Variants in CHSY1 observed in about 807,000 individuals in gnomAD.
CHSY1 encodes N-acetylgalactosaminyl-proteoglycan 3-beta-glucuronosyltransferase 1.
Under a neutral mutation model 59.8 loss-of-function variants are expected in CHSY1, and 13 were observed. That is an observed-to-expected ratio of 0.22 (90% CI 0.14 to 0.35). The LOEUF (loss-of-function observed/expected upper bound fraction) is 0.35, where lower values mean the gene tolerates loss of function less well. CHSY1 is among the 10% of genes least tolerant of loss of function. The pLI, the probability that CHSY1 is intolerant of heterozygous loss-of-function variation, is 1.00. For missense variants in CHSY1, 947 were observed against 1,030.6 expected (o/e 0.92, Z 1.11); for synonymous variants, 459 against 401.2 (o/e 1.14, Z -1.72).
chr15:101,247,018 G>C (rs550782072), intron 1 of CHSY1, among the ~76,000 whole-genome samples: 1 of 152,306 alleles, frequency 6.6e-6, no homozygotes, highest in African/African-American at 2.4e-5. Flanking sequence ...AAATTACCTA[G>C]AACACACACT....
chr15:101,235,103 C>G lies in CHSY1; in HGVS notation c.795G>C (p.Val265=). ...TTACCTCATAAGACCAGACACACTG[C>G]ACCCCTGCAAACCTCCGGACACACC... The part of the protein sequence containing the change: ...VGRCVRRFAG[V]QCVWSYEMQQ... Residue 265 remains valine, a synonymous_variant, in exon 2 of 3, where the codon GTG becomes GTC. Coordinates refer to ENST00000254190, the MANE Select transcript of CHSY1 (RefSeq NM_014918.5). 1 of 1,614,006 alleles carries G rather than the reference C, an allele frequency of 6.2e-7. No homozygotes were observed. The highest frequency in any genetic ancestry group is 1.3e-5 in the African/African-American group (1 of 75,016).
At chr15:101,209,614 G>A (rs2038663919) in intron 2 of CHSY1, among the ~76,000 whole-genome samples, 1 of 152,130 alleles carries the variant, frequency 6.6e-6, no homozygotes, top group South Asian at 2.1e-4. Flanking sequence ...CAAATAGCAG[G>A]ATCAGTTGCT....
chr15:101,185,863 G>A (rs1026901577), intron 2 of CHSY1, among the ~76,000 whole-genome samples: 3 of 151,854 alleles, frequency 2.0e-5, no homozygotes, highest in Non-Finnish European at 4.4e-5. Context: ...GCACATCAAG[G>A]AGAAATGCTG....
intron 1 of CHSY1, among the ~76,000 whole-genome samples, chr15:101,239,714 T>TACGTTTCTGACTA (rs113892335): frequency 6.6e-6 from 1 of 151,882 alleles, no homozygotes; most frequent in Non-Finnish European, 1.5e-5. Context: ...AAATGCTTCT[T>TACGTTTCTGACTA]AAAACCTGAG....
At chr15:101,194,268 A>C (rs2038481226) in intron 2 of CHSY1, among the ~76,000 whole-genome samples, 1 of 152,130 alleles carries the variant, frequency 6.6e-6, no homozygotes, top group South Asian at 2.1e-4. Context: ...AGAAAAGAAA[A>C]ATTTCATTGG....
chr15:101,186,587 T>G (rs1387528032), intron 2 of CHSY1: 1 of 152,116 alleles, frequency 6.6e-6, no homozygotes, highest in Non-Finnish European at 1.5e-5. Context: ...GAGGACTGCT[T>G]GAGCCCAGGG....
chr15:101,234,360 T>A (rs763543495), intron 2 of CHSY1, among the ~76,000 whole-genome samples: 27 of 152,198 alleles, frequency 1.8e-4, no homozygotes, highest in African/African-American at 5.8e-4. Context: ...GTTTCTAATC[T>A]GTGTAGGTCA....
At chr15:101,238,977 G>A (rs1481602384) in intron 1 of CHSY1, among the ~76,000 whole-genome samples, 2 of 152,170 alleles carry the variant, frequency 1.3e-5, no homozygotes, top group Non-Finnish European at 2.9e-5. Flanking sequence ...AGAGTCTTCT[G>A]ATGCGGTGAC....
intron 2 of CHSY1, among the ~76,000 whole-genome samples, chr15:101,214,014 T>C (rs191014785): frequency 1.3e-5 from 2 of 152,156 alleles, no homozygotes; most frequent in South Asian, 2.1e-4. Flanking sequence ...GCATGGAAAA[T>C]TGGTTAAACG....
At chr15:101,245,569 A>C (rs760560209) in intron 1 of CHSY1, among the ~76,000 whole-genome samples, 1 of 152,174 alleles carries the variant, frequency 6.6e-6, no homozygotes, top group Non-Finnish European at 1.5e-5. Context: ...GTTAATAAAG[A>C]GCAGCTTAGT....
chr15:101,233,135 C>G (rs955782052), intron 2 of CHSY1, among the ~76,000 whole-genome samples: 11 of 152,202 alleles, frequency 7.2e-5, no homozygotes, highest in Admixed American at 2.6e-4. Flanking sequence ...CACCCCTTCG[C>G]AGGCCATCAG....
At chr15:101,233,881 C>T (rs147590950) in intron 2 of CHSY1, among the ~76,000 whole-genome samples, 3 of 152,162 alleles carry the variant, frequency 2.0e-5, no homozygotes, top group Non-Finnish European at 2.9e-5. Context: ...CACTCAAGTA[C>T]GTGCTTTAGA....
intron 2 of CHSY1, among the ~76,000 whole-genome samples, chr15:101,222,662 C>T (rs1334819316): frequency 1.3e-5 from 2 of 152,168 alleles, no homozygotes; most frequent in South Asian, 2.1e-4. Flanking sequence ...TTGAAGAACA[C>T]GGGTCAAGTA....
chr15:101,211,055 GGC>G (rs2038677331), intron 2 of CHSY1, among the ~76,000 whole-genome samples: 1 of 152,196 alleles, frequency 6.6e-6, no homozygotes, highest in African/African-American at 2.4e-5. Flanking sequence ...TGGGCACAGT[GGC>G]TCAGGCCTGT....
chr15:101,234,229 A>G (rs186568703), intron 2 of CHSY1, among the ~76,000 whole-genome samples: 126 of 152,366 alleles, frequency 8.3e-4, no homozygotes, highest in South Asian at 6.0e-3. Context: ...AGCAACAACT[A>G]TATTATAAAC....
intron 2 of CHSY1, among the ~76,000 whole-genome samples, chr15:101,201,889 G>C (rs1022561300): frequency 6.6e-6 from 1 of 152,218 alleles, no homozygotes; most frequent in African/African-American, 2.4e-5. Context: ...TCCAGGAGGG[G>C]GTTAGAAGGA....
intron 2 of CHSY1, among the ~76,000 whole-genome samples, chr15:101,226,217 G>C (rs1005899099): frequency 1.3e-5 from 2 of 152,154 alleles, no homozygotes; most frequent in African/African-American, 4.8e-5. Flanking sequence ...TGGTCTCAGG[G>C]AATGAGTTCT....
intron 2 of CHSY1, among the ~76,000 whole-genome samples, chr15:101,179,334 CCA>C (rs1157035503): frequency 6.6e-6 from 1 of 152,166 alleles, no homozygotes; most frequent in African/African-American, 2.4e-5. Context: ...TGAAAGGGAC[CCA>C]CAGAGTCATG....
At chr15:101,194,576 A>G (rs1189067384) in intron 2 of CHSY1, among the ~76,000 whole-genome samples, 1 of 152,192 alleles carries the variant, frequency 6.6e-6, no homozygotes, top group African/African-American at 2.4e-5. Context: ...ATAAAGCTAC[A>G]TAATAATCAG....
Sources: allele counts gnomAD v4.1 joint callset (sites outside exome capture counted in the v4.1 genomes callset), GRCh38; gene constraint gnomAD v4.1.1; transcripts MANE v1.5; gene names NCBI Gene and HGNC (gene_info 2026-07-23, HGNC 2026-07-21).